The following VOPP1 variants were observed in gnomAD, a reference collection of about 807,000 sequenced individuals.
The protein encoded by VOPP1 is WW domain binding protein VOPP1.
VOPP1 carries 8 observed loss-of-function variants against 23.5 expected under a neutral mutation model. That is an observed-to-expected ratio of 0.34 (90% CI 0.20 to 0.61). The LOEUF (loss-of-function observed/expected upper bound fraction) is 0.61, where lower values mean the gene tolerates loss of function less well. VOPP1 is among the 20% of genes least tolerant of loss of function. The probability of loss-of-function intolerance (pLI) is 0.78; values close to 1 mark genes in which losing one functional copy is unlikely to be tolerated. For missense variants in VOPP1, 174 were observed against 238.1 expected, an observed-to-expected ratio of 0.73 and a Z score of 1.77; for synonymous variants, 83 against 97.3, an observed-to-expected ratio of 0.85 and a Z score of 0.86.
chr7:55,554,337 T>A (rs1464872783), intron 1 of VOPP1, among the ~76,000 whole-genome samples: 2 of 152,198 alleles, frequency 1.3e-5, no homozygotes, highest in African/African-American at 4.8e-5. Context: ...TGAAGAGCAC[T>A]GGGAACTAAC....
At chr7:55,557,740 A>G (rs935286625) in intron 1 of VOPP1, among the ~76,000 whole-genome samples, 2 of 152,230 alleles carry the variant, frequency 1.3e-5, no homozygotes, top group African/African-American at 4.8e-5. Flanking sequence ...TGCATTTTGT[A>G]AGGAGCTGCT....
intron 1 of VOPP1, among the ~76,000 whole-genome samples, chr7:55,550,972 T>C (rs1169138245): frequency 6.6e-6 from 1 of 152,088 alleles, no homozygotes; most frequent in Non-Finnish European, 1.5e-5. Context: ...GTATCTAAAA[T>C]GAGAACTAAG....
intron 4 of VOPP1, 125 bp downstream of exon 4, chr7:55,492,156 TA>T (rs1562921602): frequency 3.0e-6 from 4 of 1,347,246 alleles, no homozygotes; most frequent in Admixed American, 3.1e-5. Flanking sequence ...TCATCAGAAC[TA>T]AAAAAATGAA....
At chr7:55,567,303 T>C (rs1470333520) in intron 1 of VOPP1, among the ~76,000 whole-genome samples, 3 of 152,340 alleles carry the variant, frequency 2.0e-5, no homozygotes, top group African/African-American at 7.2e-5. Context: ...TGGTAGAAAG[T>C]AAATTCTGTC....
At chr7:55,499,008 C>T (rs1205767501) in intron 2 of VOPP1, among the ~76,000 whole-genome samples, 5 of 152,162 alleles carry the variant, frequency 3.3e-5, no homozygotes, top group South Asian at 2.1e-4. Flanking sequence ...TCCACCCCCA[C>T]GCCATTCCAC....
downstream of VOPP1, among the ~76,000 whole-genome samples, chr7:55,466,639 A>G (rs540871656): frequency 6.6e-6 from 1 of 152,248 alleles, no homozygotes; most frequent in South Asian, 2.1e-4. Flanking sequence ...GCCCCAGACT[A>G]TGAACATCTT....
At chr7:55,512,875 A>AGGGAGCCT (rs1795173501) in intron 2 of VOPP1, among the ~76,000 whole-genome samples, 1 of 152,218 alleles carries the variant, frequency 6.6e-6, no homozygotes, top group Non-Finnish European at 1.5e-5. Context: ...CCTTGTGTCC[A>AGGGAGCCT]GGGAGCCTGG....
At chr7:55,467,077 G>A (rs1201904257), downstream of VOPP1, among the ~76,000 whole-genome samples, 4 of 152,134 alleles carry the variant, frequency 2.6e-5, no homozygotes, top group African/African-American at 7.2e-5. Context: ...TCACAATAGG[G>A]CTCACATTCC....
intron 3 of VOPP1, among the ~76,000 whole-genome samples, chr7:55,493,799 C>T (rs963945152): frequency 1.3e-5 from 2 of 151,996 alleles, no homozygotes; most frequent in Admixed American, 6.6e-5. Flanking sequence ...GAAAAATGAG[C>T]GATGCAAGAA....
At chr7:55,497,026 G>A (rs1381381424) in intron 3 of VOPP1, among the ~76,000 whole-genome samples, 1 of 152,194 alleles carries the variant, frequency 6.6e-6, no homozygotes, top group Non-Finnish European at 1.5e-5. Context: ...ACTCCAGCAG[G>A]CGTCCTGAGG....
chr7:55,499,221 G>A (rs1053362314), intron 2 of VOPP1, among the ~76,000 whole-genome samples: 2 of 152,182 alleles, frequency 1.3e-5, no homozygotes, highest in Non-Finnish European at 2.9e-5. Context: ...GGGAGGCCAA[G>A]GCAGGTGGAC....
intron 4 of VOPP1, among the ~76,000 whole-genome samples, chr7:55,461,418 G>T (rs968049974): frequency 4.6e-5 from 7 of 151,878 alleles, no homozygotes; most frequent in Admixed American, 2.6e-4. Context: ...CTAGTCCATT[G>T]TTTTTTTTCT....
chr7:55,494,008 G>GA (rs2129020896), intron 3 of VOPP1, among the ~76,000 whole-genome samples: 1 of 152,286 alleles, frequency 6.6e-6, no homozygotes, highest in Admixed American at 6.5e-5. Flanking sequence ...TGAAGGGGAA[G>GA]AAGGGGCATT....
chr7:55,474,799 A>G (rs1170277758), intron 4 of VOPP1, among the ~76,000 whole-genome samples: 13 of 152,242 alleles, frequency 8.5e-5, no homozygotes, highest in Admixed American at 8.5e-4. Context: ...AGGAAGGAGC[A>G]GCACTGAGGC....
intron 4 of VOPP1, among the ~76,000 whole-genome samples, chr7:55,489,683 G>A (rs1023477872): frequency 6.6e-6 from 1 of 152,138 alleles, no homozygotes; most frequent in African/African-American, 2.4e-5. Flanking sequence ...GCAGGTCTGC[G>A]CTCCAGGCTG....
Position 55,497,594 on chromosome 7 carries a change from A to C in VOPP1, c.191+19T>G. 1.3e-6 allele frequency: 2 copies of C among 1,530,316 alleles called. No individual in the cohort carries two copies. The highest frequency in any genetic ancestry group is 1.8e-6 in the Non-Finnish European group (2 of 1,113,456). 94.8% of individuals were successfully genotyped at this position (1,530,316 alleles called of 1,614,324 possible). On this transcript the variant is annotated intron_variant, in intron 3 of 4. Transcript: ENST00000285279. Reference sequence around the variant, plus strand: ...GGCAGAGCTCTCGGGGTAGGGAACAAGGAGGAGTTGTGACCTACCAGAAGT... The same window carrying C: ...GGCAGAGCTCTCGGGGTAGGGAACACGGAGGAGTTGTGACCTACCAGAAGT...
intron 1 of VOPP1, among the ~76,000 whole-genome samples, chr7:55,522,054 G>A (rs1562953077): frequency 6.6e-6 from 1 of 152,206 alleles, no homozygotes; most frequent in South Asian, 2.1e-4. Context: ...GCAAAGGGAC[G>A]GCAAACAAAG....
intron 1 of VOPP1, among the ~76,000 whole-genome samples, chr7:55,527,477 T>G (rs1407074444): frequency 1.3e-5 from 2 of 152,218 alleles, no homozygotes; most frequent in South Asian, 4.1e-4. Context: ...GGATGCAGGC[T>G]GTAAACCTTA....
At chr7:55,447,456 G>A (rs1179762506) in intron 4 of VOPP1, among the ~76,000 whole-genome samples, 1 of 152,158 alleles carries the variant, frequency 6.6e-6, no homozygotes, top group African/African-American at 2.4e-5. Flanking sequence ...CAATAGGTGA[G>A]GTCTGTATGT....
Sources: allele counts gnomAD v4.1 joint callset (sites outside exome capture counted in the v4.1 genomes callset), GRCh38; gene constraint gnomAD v4.1.1; transcripts MANE v1.5; gene names NCBI Gene and HGNC (gene_info 2026-07-23, HGNC 2026-07-21).